RBFOX1: variants seen among roughly 807,000 people sequenced by gnomAD.
RBFOX1 encodes the protein RNA binding fox-1 homolog 1.
Under a neutral mutation model 57.7 loss-of-function variants are expected in RBFOX1, and 8 were observed. The observed-to-expected ratio is 0.14, with a 90% confidence interval of 0.08 to 0.25. RBFOX1 has a LOEUF of 0.25. Among genes scored for constraint, RBFOX1 ranks in the 10% least tolerant of loss-of-function variants. The probability of loss-of-function intolerance (pLI) is 1.00; values close to 1 mark genes in which losing one functional copy is unlikely to be tolerated. For synonymous variants in RBFOX1, 326 were observed against 222.4 expected, an observed-to-expected ratio of 1.47 and a Z score of -4.15; for missense variants, 611 against 548.5, an observed-to-expected ratio of 1.11 and a Z score of -1.14.
intron 4 of RBFOX1, among the ~76,000 whole-genome samples, chr16:7,325,688 C>G (rs1603622426): frequency 1.3e-5 from 2 of 152,058 alleles, no homozygotes; most frequent in African/African-American, 2.4e-5. Flanking sequence ...TCTGGTGTAT[C>G]CTGTCCACAG....
chr16:6,712,028 A>G (rs2063801013), intron 3 of RBFOX1, among the ~76,000 whole-genome samples: 1 of 152,196 alleles, frequency 6.6e-6, no homozygotes, highest in Admixed American at 6.5e-5. Context: ...TCTGTCTCAC[A>G]TATACTATAT....
At chr16:5,459,540 C>G (rs534223218) in intron 1 of RBFOX1, among the ~76,000 whole-genome samples, 40 of 152,268 alleles carry the variant, frequency 2.6e-4, no homozygotes, top group African/African-American at 8.9e-4. Context: ...AAGGCCATCT[C>G]AAATGCCGCA....
chr16:6,934,862 G>C (rs2077114196), intron 3 of RBFOX1, among the ~76,000 whole-genome samples: 1 of 152,122 alleles, frequency 6.6e-6, no homozygotes, highest in Admixed American at 6.5e-5. Context: ...GAGGCTGGCA[G>C]ATGACTTGAG....
chr16:5,896,211 C>G (rs1023540095), intron 4 of RBFOX1, among the ~76,000 whole-genome samples: 1 of 152,116 alleles, frequency 6.6e-6, no homozygotes, highest in African/African-American at 2.4e-5. Context: ...AGGCAGAGAG[C>G]CAAGCTGCTT....
At chr16:6,178,724 A>G (rs955520493) in intron 1 of RBFOX1, among the ~76,000 whole-genome samples, 6 of 152,160 alleles carry the variant, frequency 3.9e-5, no homozygotes, top group East Asian at 1.9e-4. Context: ...CAAGACTTGT[A>G]TTTATGTAGC....
intron 5 of RBFOX1, among the ~76,000 whole-genome samples, chr16:7,541,643 A>G (rs1891697256): frequency 6.6e-6 from 1 of 151,450 alleles, no homozygotes; most frequent in African/African-American, 2.4e-5. Context: ...CTGAAATCAA[A>G]ATTTTGTTAA....
chr16:5,825,446 A>G (rs1334300199), intron 3 of RBFOX1, among the ~76,000 whole-genome samples: 1 of 152,218 alleles, frequency 6.6e-6, no homozygotes, highest in Admixed American at 6.5e-5. Context: ...GTTCGAAGGA[A>G]GTGTCTAGAT....
At chr16:6,490,007 A>G (rs2095595928) in intron 2 of RBFOX1, among the ~76,000 whole-genome samples, 1 of 152,300 alleles carries the variant, frequency 6.6e-6, no homozygotes, top group Non-Finnish European at 1.5e-5. Flanking sequence ...AAAATGTTCT[A>G]GAGAGCCCCA....
At chr16:6,809,027 C>G (rs1393593130) in intron 3 of RBFOX1, among the ~76,000 whole-genome samples, 1 of 152,138 alleles carries the variant, frequency 6.6e-6, no homozygotes, top group Non-Finnish European at 1.5e-5. Flanking sequence ...GGAGTATGCA[C>G]CTGTAACAAT....
At chr16:7,478,345 T>A (rs1379549696) in intron 4 of RBFOX1, among the ~76,000 whole-genome samples, 6 of 152,288 alleles carry the variant, frequency 3.9e-5, no homozygotes, top group Admixed American at 1.3e-4. Flanking sequence ...TAGACTTTAC[T>A]CCAGGTGGCC....
At chr16:5,495,262 C>G (rs149740613) in intron 2 of RBFOX1, among the ~76,000 whole-genome samples, 108 of 152,296 alleles carry the variant, frequency 7.1e-4, no homozygotes, top group African/African-American at 2.6e-3. Context: ...TTCCATCAGC[C>G]TAGCAAAACT....
intron 3 of RBFOX1, among the ~76,000 whole-genome samples, chr16:6,954,622 GC>G (rs1375237349): frequency 3.3e-5 from 5 of 151,958 alleles, no homozygotes; most frequent in Non-Finnish European, 7.4e-5. Flanking sequence ...AGAAACTGAG[GC>G]AAAAAGAGGC....
rs2094574636 is a variant in RBFOX1, at chr16:6,450,764, T to TATA, written c.-64+133707_-64+133708insATA. On this transcript the variant is annotated intron_variant, in intron 2 of 15. Coordinates refer to ENST00000550418, the MANE Select transcript of RBFOX1 (RefSeq NM_018723.4). ...TTTTATATATATATACATATATATA[T>TATA]GTGTATATATATATATATATATATA... Among the ~76,000 whole-genome samples, 14 of 33,342 alleles carry TATA rather than the reference T, an allele frequency of 4.2e-4. 1 individual carries two copies. Among genetic ancestry groups the TATA allele is most frequent in the African/African-American group, 2.1e-3 (14 of 6,766 alleles). The allele number at this position is 33,342 out of a possible 152,430, so 21.9% of individuals were successfully genotyped here.
At chr16:5,694,386 T>C (rs527344457) in intron 3 of RBFOX1, among the ~76,000 whole-genome samples, 36 of 152,324 alleles carry the variant, frequency 2.4e-4, no homozygotes, top group African/African-American at 8.4e-4. Flanking sequence ...GTCTACTTAG[T>C]GGGGCAGCAG....
chr16:7,328,341 G>A (rs1248287213), intron 4 of RBFOX1, among the ~76,000 whole-genome samples: 3 of 151,952 alleles, frequency 2.0e-5, no homozygotes, highest in Admixed American at 1.3e-4. Context: ...TTAGGCAGGT[G>A]TGGTGGCGGA....
chr16:6,788,520 C>G (rs879329889), intron 3 of RBFOX1, among the ~76,000 whole-genome samples: 1 of 151,644 alleles, frequency 6.6e-6, no homozygotes, highest in Non-Finnish European at 1.5e-5. Context: ...CTGTCGCCCA[C>G]GCTGGAGTGC....
chr16:7,256,084 A>C (rs938327652), intron 4 of RBFOX1, among the ~76,000 whole-genome samples: 1 of 152,242 alleles, frequency 6.6e-6, no homozygotes, highest in Non-Finnish European at 1.5e-5. Context: ...TGTTAAAGTC[A>C]TCATTCATTT....
At chr16:6,499,924 A>C (rs2095866813) in intron 2 of RBFOX1, among the ~76,000 whole-genome samples, 2 of 152,242 alleles carry the variant, frequency 1.3e-5, no homozygotes, top group African/African-American at 4.8e-5. Flanking sequence ...TACATTGAAC[A>C]AGTTCTGTTT....
intron 3 of RBFOX1, among the ~76,000 whole-genome samples, chr16:7,036,234 T>C (rs1385671013): frequency 2.0e-5 from 3 of 151,988 alleles, no homozygotes; most frequent in African/African-American, 7.3e-5. Flanking sequence ...GCCTTGTAGT[T>C]GTTACATGAT....
Sources: allele counts gnomAD v4.1 joint callset (sites outside exome capture counted in the v4.1 genomes callset), GRCh38; gene constraint gnomAD v4.1.1; transcripts MANE v1.5; gene names NCBI Gene and HGNC (gene_info 2026-07-23, HGNC 2026-07-21).